The following PLA2G5 variants were observed in gnomAD, a reference collection of about 807,000 sequenced individuals.
PLA2G5 encodes the protein phospholipase A2 group V, also known as Ca2+-dependent phospholipase A2.
Under a neutral mutation model 15.9 loss-of-function variants are expected in PLA2G5, and 12 were observed. The observed-to-expected ratio is 0.76, with a 90% CI of 0.48 to 1.23. PLA2G5 has a LOEUF of 1.23. Among genes scored for constraint, PLA2G5 ranks in the 50% most tolerant of loss-of-function variants. The probability of loss-of-function intolerance (pLI) is 0.00; values close to 1 mark genes in which losing one functional copy is unlikely to be tolerated. For synonymous variants in PLA2G5, 71 were observed against 71.4 expected, an observed-to-expected ratio of 0.99 and a Z score of 0.03; for missense variants, 169 against 177.1, an observed-to-expected ratio of 0.95 and a Z score of 0.26.
At chr1:20,056,093 C>T (rs1314448970) in intron 1 of PLA2G5, among the ~76,000 whole-genome samples, 1 of 152,162 alleles carries the variant, frequency 6.6e-6, no homozygotes, top group African/African-American at 2.4e-5. Context: ...CCCTCTTTCC[C>T]CTTCTTTTAA....
At chr1:20,063,754 A>G (rs1400207967) in intron 2 of PLA2G5, among the ~76,000 whole-genome samples, 1 of 152,234 alleles carries the variant, frequency 6.6e-6, no homozygotes, top group Admixed American at 6.5e-5. Context: ...ATCCCAATGT[A>G]TTGATGGAGA....
intron 1 of PLA2G5, among the ~76,000 whole-genome samples, chr1:20,080,697 G>A (rs1013990113): frequency 1.3e-5 from 2 of 150,776 alleles, no homozygotes; most frequent in East Asian, 3.9e-4. Context: ...GAATCTTGGA[G>A]CTGGCCCATG....
chr1:20,057,101 CT>C (rs1338385461), intron 1 of PLA2G5, among the ~76,000 whole-genome samples: 2 of 151,944 alleles, frequency 1.3e-5, no homozygotes, highest in Non-Finnish European at 2.9e-5. Flanking sequence ...TGTATTCTCT[CT>C]TTTTTCTTAG....
At position 20,090,654 on chromosome 1, in the gene PLA2G5, C is replaced by A. The variant is rs191970079; in HGVS notation, c.379C>A (p.Pro127Thr). 6.2e-7 allele frequency: 1 copy of A among 1,614,066 alleles called. No homozygotes were observed. The highest frequency in any genetic ancestry group is 8.5e-7 in the Non-Finnish European group (1 of 1,179,908). Residue 127 changes from proline to threonine, a missense_variant, in exon 5 of 5, where the codon CCA becomes ACA. Physicochemically the swap from Pro to Thr is conservative, Grantham distance 38. Coordinates refer to ENST00000375108, the MANE Select transcript of PLA2G5 (RefSeq NM_000929.3). The part of the protein sequence containing the change: ...CLKRNLRSYN[P>T]QYQYFPNILC... ...CAAGAGAAACCTACGGAGCTACAAC[C>A]CACAGTACCAATACTTTCCCAACAT...
intron 1 of PLA2G5, among the ~76,000 whole-genome samples, chr1:20,030,444 G>A (rs957310816): frequency 5.3e-5 from 8 of 151,984 alleles, no homozygotes; most frequent in Admixed American, 4.6e-4. Flanking sequence ...GCCATAAGGC[G>A]GTTTTCTCCT....
At chr1:20,035,264 G>C (rs184581281) in intron 1 of PLA2G5, among the ~76,000 whole-genome samples, 2 of 152,132 alleles carry the variant, frequency 1.3e-5, no homozygotes, top group African/African-American at 4.8e-5. Flanking sequence ...TTACAGGCTG[G>C]GGCAATTGAT....
intron 1 of PLA2G5, among the ~76,000 whole-genome samples, chr1:20,057,859 T>A (rs1044586640): frequency 2.2e-5 from 3 of 135,458 alleles, no homozygotes; most frequent in African/African-American, 8.1e-5. Flanking sequence ...ATTTTTAAAT[T>A]CCTCTTGAGA....
intron 1 of PLA2G5, among the ~76,000 whole-genome samples, chr1:20,040,748 G>A (rs1569643855): frequency 6.6e-6 from 1 of 152,150 alleles, no homozygotes; most frequent in Non-Finnish European, 1.5e-5. Flanking sequence ...GTTAAGATGG[G>A]AACTGCTCAG....
chr1:20,078,713 G>C (rs2015833897), intron 1 of PLA2G5, among the ~76,000 whole-genome samples: 1 of 152,058 alleles, frequency 6.6e-6, no homozygotes, highest in Admixed American at 6.5e-5. Flanking sequence ...GGAAGAGAAG[G>C]GTTCATGGGG....
Position 20,089,886 on chromosome 1 carries a change from G to GT in PLA2G5, c.284dup (p.Thr96HisfsTer16), listed in dbSNP as rs750437413. On this transcript the variant is annotated frameshift_variant, in exon 4 of 5. Coordinates refer to ENST00000375108, the MANE Select transcript of PLA2G5 (RefSeq NM_000929.3). LOFTEE classifies it low-confidence loss of function (END_TRUNC). ...CAAATACAGATTCGCGTGGGGCGTGGTCACCTGCGGTAAGGCTGGGGCTTC... is the reference window on the plus strand; with the variant it reads ...CAAATACAGATTCGCGTGGGGCGTGGTTCACCTGCGGTAAGGCTGGGGCTTC... 3 of 1,612,270 alleles carry GT rather than the reference G, an allele frequency of 1.9e-6. No homozygotes were observed. Among genetic ancestry groups the GT allele is most frequent in the Non-Finnish European group, 2.5e-6 (3 of 1,178,766 alleles).
At chr1:20,089,917 C>G (rs369882590) in intron 4 of PLA2G5, 22 bp downstream of exon 4, 30 of 1,561,720 alleles carry the variant, frequency 1.9e-5, no homozygotes, top group Non-Finnish European at 2.4e-5. Context: ...GCTTCCCGTT[C>G]GGGCCATTGG....
At chr1:20,077,799 C>G (rs1244223423) in intron 1 of PLA2G5, among the ~76,000 whole-genome samples, 1 of 152,196 alleles carries the variant, frequency 6.6e-6, no homozygotes, top group Non-Finnish European at 1.5e-5. Flanking sequence ...ACACACGTCT[C>G]TCCTACGTTG....
chr1:20,054,052 A>T (rs538675272), intron 1 of PLA2G5, among the ~76,000 whole-genome samples: 1 of 151,960 alleles, frequency 6.6e-6, no homozygotes, highest in Non-Finnish European at 1.5e-5. Context: ...CCATGTTCCT[A>T]TGTGAAGATC....
Position 20,091,830 on chromosome 1 carries a change from C to T in PLA2G5, c.*1138C>T, listed in dbSNP as rs10799609. On this transcript the variant is annotated 3_prime_UTR_variant, in exon 5 of 5. Coordinates refer to ENST00000375108, the MANE Select transcript of PLA2G5 (RefSeq NM_000929.3). ...ATTCCGACATACCCCAAAATAACTG[C>T]ATGATAAATAGGTCTATATTTAAAA... Among the ~76,000 whole-genome samples, 16,714 of 152,166 alleles carry T rather than the reference C, an allele frequency of 0.11. 1,337 individuals carry two copies. Among genetic ancestry groups the T allele is most frequent in the African/African-American group, 0.22 (9,032 of 41,486 alleles).
At chr1:20,047,952 T>C (rs1274786661) in intron 1 of PLA2G5, among the ~76,000 whole-genome samples, 1 of 152,120 alleles carries the variant, frequency 6.6e-6, no homozygotes, top group Non-Finnish European at 1.5e-5. Context: ...GACAACTGCC[T>C]AGGGTTACCA....
chr1:20,058,393 G>A (rs1414918851), intron 1 of PLA2G5, among the ~76,000 whole-genome samples: 4 of 151,992 alleles, frequency 2.6e-5, no homozygotes, highest in South Asian at 2.1e-4. Context: ...TCTTTATTCC[G>A]GATAATTTTC....
At chr1:20,033,286 G>A (rs1336342589) in intron 1 of PLA2G5, among the ~76,000 whole-genome samples, 4 of 152,204 alleles carry the variant, frequency 2.6e-5, no homozygotes, top group African/African-American at 9.6e-5. Context: ...CTGCAAAAGG[G>A]CTTGCAAAAT....
chr1:20,053,578 G>T (rs550651243), intron 1 of PLA2G5, among the ~76,000 whole-genome samples: 5 of 142,058 alleles, frequency 3.5e-5, no homozygotes, highest in South Asian at 2.5e-4. Flanking sequence ...TGCGGGGGGG[G>T]GGGTGATATG....
upstream of PLA2G5, among the ~76,000 whole-genome samples, chr1:20,068,127 T>TAAATA (rs1251340853): frequency 3.3e-5 from 5 of 151,680 alleles, 1 homozygote; most frequent in African/African-American, 1.2e-4. Context: ...TCAAAAAAAA[T>TAAATA]AAATAAAAAA....
Sources: gnomAD v4.1 joint callset for allele counts (sites outside exome capture counted in the v4.1 genomes callset) on GRCh38, gnomAD v4.1.1 for gene constraint, MANE v1.5 for transcripts, NCBI Gene and HGNC (gene_info 2026-07-23, HGNC 2026-07-21) for gene names.